Variants in PTPRH observed in about 807,000 individuals in gnomAD.
PTPRH encodes the protein protein tyrosine phosphatase receptor type H.
Under a neutral mutation model 130.2 loss-of-function variants are expected in PTPRH, and 113 were observed. That is an observed-to-expected ratio of 0.87 (90% CI 0.75 to 1.01). The LOEUF is 1.01. PTPRH is among the 50% of genes least tolerant of loss of function. The pLI, the probability that PTPRH is intolerant of heterozygous loss-of-function variation, is 0.00. For synonymous variants in PTPRH, 556 were observed against 577.9 expected, an observed-to-expected ratio of 0.96 and a Z score of 0.54; for missense variants, 1,430 against 1,425.0, an observed-to-expected ratio of 1.00 and a Z score of -0.06.
At chr19:55,198,620 G>A (rs370435096) in intron 8 of PTPRH, 23 bp downstream of exon 8, 33 of 1,572,598 alleles carry the variant, frequency 2.1e-5, no homozygotes, top group Non-Finnish European at 2.7e-5. Context: ...ATAGGGCTGG[G>A]TTCAGAACCG....
At chr19:55,206,486 C>CT (rs539237670) in intron 3 of PTPRH, among the ~76,000 whole-genome samples, 7,620 of 143,298 alleles carry the variant, frequency 0.053, 289 homozygotes, top group African/African-American at 0.12. Context: ...ACCACAGCTA[C>CT]TTTTTAATTT....
chr19:55,187,062 G>A (rs2086360594), intron 14 of PTPRH, among the ~76,000 whole-genome samples: 1 of 148,068 alleles, frequency 6.8e-6, no homozygotes, highest in East Asian at 2.0e-4. Flanking sequence ...AAAAAGGTGG[G>A]GGGCCGGGCG....
rs766221342 is a variant in PTPRH, at chr19:55,188,136, G to T, written c.2417C>A (p.Ala806Asp). Residue 806 changes from alanine (A) to aspartate (D), a missense_variant, in exon 13 of 20, where the codon GCT becomes GAT. Physicochemically the swap from Ala to Asp is moderately radical, Grantham distance 126. Coordinates refer to ENST00000376350, the MANE Select transcript of PTPRH (RefSeq NM_002842.5). ...CCTCTCATTCTTCCTGACGTGGTCA[G>T]CGAAGTCTTCAGCTGGGATGTCCCC... ...SPGDIPAEDF[A>D]DHVRKNERDS... The T allele has an allele frequency of 6.2e-7, 1 of 1,614,080 alleles. No individual in the cohort carries two copies.
At chr19:55,197,747 G>A (rs555167063) in intron 8 of PTPRH, among the ~76,000 whole-genome samples, 53 of 152,248 alleles carry the variant, frequency 3.5e-4, no homozygotes, top group African/African-American at 1.3e-3. Context: ...ATGGCCCCAT[G>A]GTGTGATGGG....
At position 55,196,751 on chromosome 19, in the gene PTPRH, G is replaced by A. The variant is rs768909793; in HGVS notation, c.2028C>T (p.Thr676=). 1.9e-6 allele frequency: 3 copies of A among 1,614,156 alleles called. No homozygotes were observed. Among genetic ancestry groups the A allele is most frequent in the Non-Finnish European group, 2.5e-6 (3 of 1,180,028 alleles). ...TCAAGTTGACTCCATAGCCCGCTGA[G>A]GTGCTGACACAGGAAGTGATGGTGA... ...DTVTITSCVS[T]SAGYGVNLIW... The change falls in exon 10 of 20, where the codon ACC becomes ACT. Residue 676 remains threonine (T), a synonymous_variant. Coordinates refer to ENST00000376350, the MANE Select transcript of PTPRH (RefSeq NM_002842.5).
chr19:55,202,501 G>C (rs1400445398), intron 5 of PTPRH, among the ~76,000 whole-genome samples, 179 bp from the exon 6 acceptor site: 1 of 152,014 alleles, frequency 6.6e-6, no homozygotes, highest in East Asian at 1.9e-4. Flanking sequence ...TTTGTGAAAT[G>C]AGATGAGCCG....
chr19:55,199,773 G>T (rs2122179632), intron 7 of PTPRH, among the ~76,000 whole-genome samples: 1 of 144,682 alleles, frequency 6.9e-6, no homozygotes, highest in East Asian at 2.0e-4. Flanking sequence ...GAGAAAGAAA[G>T]AAAGAGAGAG....
Position 55,197,185 on chromosome 19 carries a change from T to C in PTPRH, c.1922A>G (p.Tyr641Cys). The C allele has an allele frequency of 6.2e-7, 1 of 1,614,260 alleles. No individual in the cohort carries two copies. Among genetic ancestry groups the C allele is most frequent in the Non-Finnish European group, 8.5e-7 (1 of 1,180,052 alleles). ...KVEALEPGTL[Y>C]NFTVWAERND... ...CCTCTCTGCCCACACGGTGAAATTGTACAACGTCCCGGGTTCCAGGGCCTC... is the reference window on the plus strand; with the variant it reads ...CCTCTCTGCCCACACGGTGAAATTGCACAACGTCCCGGGTTCCAGGGCCTC... The change falls in exon 9 of 20, where the codon TAC becomes TGC. Residue 641 changes from tyrosine to cysteine, a missense_variant. Coordinates refer to ENST00000376350, the MANE Select transcript of PTPRH (RefSeq NM_002842.5).
Position 55,197,388 on chromosome 19 carries a change from A to C in PTPRH, c.1719T>G (p.Asn573Lys), listed in dbSNP as rs1174433832. 6.2e-6 allele frequency: 10 copies of C among 1,613,378 alleles called. No homozygotes were observed. Among genetic ancestry groups the C allele is most frequent in the Non-Finnish European group, 7.6e-6 (9 of 1,179,432 alleles). Residue 573 changes from asparagine (N) to lysine (K), a missense_variant, in exon 9 of 20, where the codon AAT becomes AAG. Physicochemically the swap from Asn to Lys is moderately conservative, Grantham distance 94 (BLOSUM62 0). Coordinates refer to ENST00000376350, the MANE Select transcript of PTPRH (RefSeq NM_002842.5). ...TAPNEVTDLQ[N>K]ETQTKNSVML... ...TGACTGAGTTCTTAGTCTGAGTTTC[A>C]TTCTGGAGATCTGTGACCTCATTGG...
chr19:55,188,713 C>T (rs989682824), intron 12 of PTPRH, among the ~76,000 whole-genome samples: 4 of 152,082 alleles, frequency 2.6e-5, no homozygotes, highest in Admixed American at 2.6e-4. Flanking sequence ...GCAAAGGCCA[C>T]GTTTCAGCCC....
intron 10 of PTPRH, among the ~76,000 whole-genome samples, chr19:55,195,158 C>T (rs1600030649): frequency 1.3e-5 from 2 of 152,180 alleles, no homozygotes; most frequent in South Asian, 4.1e-4. Context: ...AACCCCATCT[C>T]TATTAAAAGT....
chr19:55,182,083 C>T lies in PTPRH; in HGVS notation c.3131G>A (p.Gly1044Asp). ...DVLLRQLQSEGLLGPFSFVRK... is the reference protein window; with the variant it reads ...DVLLRQLQSEDLLGPFSFVRK... ...TACAAAGCTGAAGGGCCCAAGGAGA[C>T]CCTCGGACTGCAGCTGCCGGAGCAG... is the stretch of plus-strand genomic sequence containing the variant. Residue 1044 changes from glycine (G) to aspartate (D), a missense_variant, in exon 19 of 20, where the codon GGT (glycine) becomes GAT (aspartate). Coordinates refer to ENST00000376350, the MANE Select transcript of PTPRH (RefSeq NM_002842.5). The T allele has an allele frequency of 6.2e-7, 1 of 1,614,146 alleles. No homozygotes were observed. The highest frequency in any genetic ancestry group is 8.5e-7 in the Non-Finnish European group (1 of 1,180,022).
At chr19:55,183,917 T>G (rs1331877528) in intron 18 of PTPRH, among the ~76,000 whole-genome samples, 1 of 152,142 alleles carries the variant, frequency 6.6e-6, no homozygotes, top group Non-Finnish European at 1.5e-5. Context: ...TCTCTGTTGC[T>G]TTGGCTGATC....
At chr19:55,193,481 C>G (rs537463639) in intron 10 of PTPRH, among the ~76,000 whole-genome samples, 3 of 152,108 alleles carry the variant, frequency 2.0e-5, no homozygotes, top group Non-Finnish European at 4.4e-5. Context: ...CCTTCCTTAG[C>G]TTAGACTAGT....
chr19:55,201,009 T>G (rs892135338), intron 6 of PTPRH, among the ~76,000 whole-genome samples: 2 of 150,794 alleles, frequency 1.3e-5, no homozygotes, highest in African/African-American at 2.5e-5. Context: ...CATTAAGAGG[T>G]AGGGCCCTTG....
intron 6 of PTPRH, among the ~76,000 whole-genome samples, chr19:55,201,812 C>T (rs914522149): frequency 6.6e-5 from 10 of 152,184 alleles, no homozygotes; most frequent in African/African-American, 2.4e-4. Flanking sequence ...GGAAGGTGCC[C>T]CTTGGCATTA....
intron 6 of PTPRH, 89 bp downstream of exon 6, chr19:55,201,967 G>A: frequency 6.4e-7 from 1 of 1,559,738 alleles, no homozygotes; most frequent in Non-Finnish European, 8.7e-7. Context: ...ATGGCCCAGA[G>A]GGACTATGGA....
intron 8 of PTPRH, 30 bp from the exon 9 acceptor site, chr19:55,197,446 G>T (rs1005106039): frequency 6.3e-7 from 1 of 1,589,910 alleles, no homozygotes. Flanking sequence ...GCCTAAGGGG[G>T]TATCCTCGAA....
chr19:55,187,445 A>G, intron 14 of PTPRH, 68 bp downstream of exon 14: 19 of 1,279,486 alleles, frequency 1.5e-5, no homozygotes, highest in Non-Finnish European at 2.0e-5. Context: ...CGGGTAGGAG[A>G]AGGGGACTGG....
Sources: gnomAD v4.1 joint callset for allele counts (sites outside exome capture counted in the v4.1 genomes callset) on GRCh38, gnomAD v4.1.1 for gene constraint, MANE v1.5 for transcripts, NCBI Gene and HGNC (gene_info 2026-07-23, HGNC 2026-07-21) for gene names.